The following SYT1 variants were observed in gnomAD, a reference collection of about 807,000 sequenced individuals.
SYT1 encodes synaptotagmin-1.
A neutral mutation model predicts 44.8 loss-of-function variants in SYT1; 8 were observed. The observed-to-expected ratio is 0.18, with a 90% CI of 0.10 to 0.32. The LOEUF is 0.32. SYT1 is among the 10% of genes least tolerant of loss of function. The pLI, the probability that SYT1 is intolerant of heterozygous loss-of-function variation, is 1.00. For synonymous variants in SYT1, 154 were observed against 188.8 expected, an observed-to-expected ratio of 0.82 and a Z score of 1.51; for missense variants, 286 against 509.3, an observed-to-expected ratio of 0.56 and a Z score of 4.22.
chr12:79,354,806 G>C (rs1043275883), intron 9 of SYT1, among the ~76,000 whole-genome samples: 1 of 152,130 alleles, frequency 6.6e-6, no homozygotes, highest in Non-Finnish European at 1.5e-5. Flanking sequence ...TACAATAACA[G>C]TTCCCTCCTA....
chr12:78,876,443 C>T (rs992391527), intron 1 of SYT1, among the ~76,000 whole-genome samples: 5 of 133,234 alleles, frequency 3.8e-5, no homozygotes, highest in African/African-American at 1.1e-4. Context: ...CTGATAATAA[C>T]ATGTTTTGAA....
At chr12:79,339,356 G>A (rs924341598) in intron 8 of SYT1, among the ~76,000 whole-genome samples, 49 of 152,194 alleles carry the variant, frequency 3.2e-4, no homozygotes, top group African/African-American at 7.9e-4. Context: ...TTTAATGATC[G>A]CCATTCTAAC....
intron 3 of SYT1, among the ~76,000 whole-genome samples, chr12:79,115,872 C>T (rs968209277): frequency 6.6e-6 from 1 of 152,156 alleles, no homozygotes; most frequent in Non-Finnish European, 1.5e-5. Flanking sequence ...AATATTTCTA[C>T]AGGATTTTTC....
chr12:79,262,720 G>A (rs941634534), intron 4 of SYT1, among the ~76,000 whole-genome samples: 3 of 152,178 alleles, frequency 2.0e-5, no homozygotes, highest in African/African-American at 7.2e-5. Context: ...TCCAGGAAAT[G>A]TACTGCAACT....
intron 4 of SYT1, among the ~76,000 whole-genome samples, chr12:79,226,800 G>A (rs374248786): frequency 5.4e-4 from 82 of 152,066 alleles, no homozygotes; most frequent in African/African-American, 1.3e-3. Flanking sequence ...ATTTTAATCC[G>A]TCATAATTTT....
chr12:79,267,956 A>G (rs1481272425), intron 4 of SYT1, among the ~76,000 whole-genome samples: 1 of 152,220 alleles, frequency 6.6e-6, no homozygotes, highest in Non-Finnish European at 1.5e-5. Flanking sequence ...GCATTTTATA[A>G]AATTAATTAT....
At chr12:79,115,658 A>G (rs1879237698) in intron 3 of SYT1, among the ~76,000 whole-genome samples, 1 of 152,234 alleles carries the variant, frequency 6.6e-6, no homozygotes, top group East Asian at 1.9e-4. Flanking sequence ...CACAGAAACC[A>G]TAAAGTAAGC....
chr12:79,404,494 G>A (rs1299970736), intron 9 of SYT1, among the ~76,000 whole-genome samples: 1 of 152,134 alleles, frequency 6.6e-6, no homozygotes, highest in African/African-American at 2.4e-5. Context: ...ATTCACCTGT[G>A]AGTTATTTCC....
chr12:79,323,914 G>T (rs1437622961), intron 8 of SYT1, among the ~76,000 whole-genome samples: 1 of 150,020 alleles, frequency 6.7e-6, no homozygotes, highest in Non-Finnish European at 1.5e-5. Context: ...ATTATTTTAG[G>T]AGGCTAAGAT....
At chr12:79,289,895 T>G (rs1352896199) in intron 5 of SYT1, among the ~76,000 whole-genome samples, 9 of 151,740 alleles carry the variant, frequency 5.9e-5, no homozygotes, top group African/African-American at 1.2e-4. Context: ...CAGTAGTTTT[T>G]TTTTTTTTTT....
At chr12:79,107,167 A>G (rs1008488549) in intron 3 of SYT1, among the ~76,000 whole-genome samples, 1 of 152,032 alleles carries the variant, frequency 6.6e-6, no homozygotes, top group African/African-American at 2.4e-5. Flanking sequence ...AATGATCAAA[A>G]TTAACTCAAG....
chr12:79,333,853 A>G (rs1881968564), intron 8 of SYT1, among the ~76,000 whole-genome samples: 1 of 152,126 alleles, frequency 6.6e-6, no homozygotes, highest in Admixed American at 6.6e-5. Flanking sequence ...CAAATTCCCA[A>G]TGTTGTTTAT....
At chr12:79,423,294 AG>A (rs1364463493) in intron 9 of SYT1, among the ~76,000 whole-genome samples, 3 of 152,130 alleles carry the variant, frequency 2.0e-5, no homozygotes, top group Admixed American at 6.6e-5. Flanking sequence ...ACTAGAAAGG[AG>A]GGAGCTAGTG....
intron 9 of SYT1, among the ~76,000 whole-genome samples, chr12:79,370,731 C>A (rs920087605): frequency 6.6e-5 from 10 of 151,820 alleles, no homozygotes; most frequent in African/African-American, 2.4e-4. Flanking sequence ...CCACTGCACT[C>A]CAGCCTGGGC....
chr12:79,249,047 C>T (rs943883333), intron 4 of SYT1, among the ~76,000 whole-genome samples: 19 of 149,130 alleles, frequency 1.3e-4, no homozygotes, highest in African/African-American at 4.2e-4. Context: ...TGTTGAAGGG[C>T]AACCACTATG....
intron 3 of SYT1, among the ~76,000 whole-genome samples, chr12:79,053,020 G>C (rs1475954707): frequency 6.6e-6 from 1 of 152,122 alleles, no homozygotes; most frequent in Admixed American, 6.6e-5. Context: ...TACACCCAAA[G>C]GATTATAAAT....
At chr12:79,105,191 A>G (rs771901739) in intron 3 of SYT1, among the ~76,000 whole-genome samples, 1 of 152,156 alleles carries the variant, frequency 6.6e-6, no homozygotes, top group Non-Finnish European at 1.5e-5. Flanking sequence ...TTTAGCGTTG[A>G]CCACATTATC....
intron 9 of SYT1, among the ~76,000 whole-genome samples, chr12:79,371,804 T>A (rs1455200305): frequency 6.6e-6 from 1 of 152,220 alleles, no homozygotes; most frequent in Non-Finnish European, 1.5e-5. Flanking sequence ...TCTTACCTTT[T>A]TCTTTTCTGC....
intron 2 of SYT1, among the ~76,000 whole-genome samples, chr12:79,020,324 G>C (rs1255817070): frequency 6.6e-6 from 1 of 151,896 alleles, no homozygotes; most frequent in Non-Finnish European, 1.5e-5. Flanking sequence ...GCTGCAACAA[G>C]TCCACCTGAC....
Sources: gnomAD v4.1 joint callset for allele counts (sites outside exome capture counted in the v4.1 genomes callset) on GRCh38, gnomAD v4.1.1 for gene constraint, MANE v1.5 for transcripts, NCBI Gene and HGNC (gene_info 2026-07-23, HGNC 2026-07-21) for gene names.